The following AGMO variants were observed in gnomAD, a reference collection of about 807,000 sequenced individuals.
The protein encoded by AGMO is glyceryl-ether monooxygenase.
Under a neutral mutation model 60.2 loss-of-function variants are expected in AGMO, and 75 were observed. That is an observed-to-expected ratio of 1.25 (90% CI 1.03 to 1.51). AGMO has a LOEUF of 1.51. Ranked by LOEUF, AGMO falls within the 40% of genes most tolerant of loss-of-function variation. The pLI is 0.00. For synonymous variants in AGMO, 261 were observed against 177.1 expected, an observed-to-expected ratio of 1.47 and a Z score of -3.76; for missense variants, 763 against 525.5, an observed-to-expected ratio of 1.45 and a Z score of -4.42.
intron 10 of AGMO, among the ~76,000 whole-genome samples, chr7:15,382,449 GT>G (rs2128481799): frequency 6.6e-6 from 1 of 152,236 alleles, no homozygotes; most frequent in East Asian, 1.9e-4. Flanking sequence ...TTAGTTATGG[GT>G]TTAGTGTGGG....
intron 12 of AGMO, among the ~76,000 whole-genome samples, chr7:15,214,113 C>G (rs1399569777): frequency 6.6e-6 from 1 of 151,722 alleles, no homozygotes; most frequent in Non-Finnish European, 1.5e-5. Flanking sequence ...GGGAGAGAGA[C>G]AGAGAGGAAG....
At chr7:15,310,195 T>A (rs1200294419) in intron 12 of AGMO, among the ~76,000 whole-genome samples, 1 of 152,148 alleles carries the variant, frequency 6.6e-6, no homozygotes, top group Non-Finnish European at 1.5e-5. Context: ...ATAATTTGAT[T>A]CAGTAATGTT....
chr7:15,128,381 G>C, the AGMO span, among the ~76,000 whole-genome samples: 33 of 152,126 alleles, frequency 2.2e-4, no homozygotes, highest in African/African-American at 7.9e-4. Flanking sequence ...GATATGCTGG[G>C]TGAATTACTT....
At chr7:15,383,676 C>T (rs1378437832) in intron 10 of AGMO, among the ~76,000 whole-genome samples, 3 of 151,812 alleles carry the variant, frequency 2.0e-5, no homozygotes, top group Admixed American at 6.6e-5. Flanking sequence ...ATTTCTTTTA[C>T]TTATGGAGTT....
the AGMO span, among the ~76,000 whole-genome samples, chr7:15,152,856 A>G: frequency 1.3e-5 from 2 of 152,144 alleles, no homozygotes; most frequent in Admixed American, 1.3e-4. Flanking sequence ...CTAGGTAGAT[A>G]CCTAGTAGTG....
chr7:15,246,592 T>A (rs1191907228), intron 12 of AGMO, among the ~76,000 whole-genome samples: 1 of 152,164 alleles, frequency 6.6e-6, no homozygotes, highest in East Asian at 1.9e-4. Flanking sequence ...TTTTACTGTT[T>A]TATCTCTACT....
In AGMO at chr7:15,544,907, T is replaced by C. The variant is rs1784735381; in HGVS notation, c.274A>G (p.Ile92Val). 6.4e-7 allele frequency: 1 copy of C among 1,552,802 alleles called. No individual in the cohort carries two copies. The highest frequency in any genetic ancestry group is 8.7e-7 in the Non-Finnish European group (1 of 1,149,306). ...SRLPSLFFRS[I>V]ELTSYIYIWE... ...ATATAAATATAACTGGTCAGTTCAA[T>C]GCTCCTGAAAAATAGACTGGAAGAT... is the stretch of plus-strand genomic sequence containing the variant. Residue 92 changes from isoleucine (I) to valine (V), a missense_variant, in exon 3 of 13, where the codon ATT becomes GTT. Ile to Val is a conservative substitution (Grantham distance 29). Transcript: ENST00000342526.
intron 3 of AGMO, among the ~76,000 whole-genome samples, chr7:15,540,639 A>C (rs541031404): frequency 2.2e-4 from 33 of 152,338 alleles, no homozygotes; most frequent in African/African-American, 7.5e-4. Context: ...ATAAATTAAT[A>C]ACTGGCATGC....
chr7:15,519,917 A>G (rs981476708), intron 3 of AGMO, among the ~76,000 whole-genome samples: 2 of 151,346 alleles, frequency 1.3e-5, no homozygotes. Context: ...GACCCACCTC[A>G]CTTGCAAAAA....
intron 12 of AGMO, among the ~76,000 whole-genome samples, chr7:15,270,689 T>G (rs1244655712): frequency 6.7e-6 from 1 of 149,136 alleles, no homozygotes; most frequent in Non-Finnish European, 1.5e-5. Context: ...TATTTTTGTA[T>G]GTGTTGCATT....
intron 3 of AGMO, among the ~76,000 whole-genome samples, chr7:15,452,647 G>T (rs1435680492): frequency 6.6e-6 from 1 of 152,204 alleles, no homozygotes; most frequent in East Asian, 1.9e-4. Flanking sequence ...TATGTAAAAT[G>T]GTGCAGCTGC....
intron 3 of AGMO, 23 bp from the exon 4 acceptor site, chr7:15,431,131 T>A: frequency 6.5e-7 from 1 of 1,545,288 alleles, no homozygotes; most frequent in Non-Finnish European, 8.9e-7. Flanking sequence ...TAATTTGCAA[T>A]GAGCCATGAG....
intron 3 of AGMO, among the ~76,000 whole-genome samples, chr7:15,541,915 A>G (rs1302896337): frequency 6.6e-6 from 1 of 152,210 alleles, no homozygotes; most frequent in Non-Finnish European, 1.5e-5. Flanking sequence ...TAGTGAAAGG[A>G]AAGTAATACA....
chr7:15,483,210 C>T (rs1782807667), intron 3 of AGMO, among the ~76,000 whole-genome samples: 1 of 151,980 alleles, frequency 6.6e-6, no homozygotes, highest in African/African-American at 2.4e-5. Flanking sequence ...AGTTCAATAT[C>T]CAAAAATTAT....
chr7:15,183,598 T>G, the AGMO span, among the ~76,000 whole-genome samples: 2 of 152,164 alleles, frequency 1.3e-5, no homozygotes, highest in Non-Finnish European at 2.9e-5. Flanking sequence ...ATTCTTACAT[T>G]TAATGACCAC....
At chr7:15,467,390 G>A (rs909004822) in intron 3 of AGMO, among the ~76,000 whole-genome samples, 3 of 152,224 alleles carry the variant, frequency 2.0e-5, no homozygotes, top group African/African-American at 7.2e-5. Flanking sequence ...CAGAATGGCA[G>A]TTACAATATT....
intron 3 of AGMO, among the ~76,000 whole-genome samples, chr7:15,479,057 A>C (rs1188232406): frequency 3.9e-5 from 6 of 152,172 alleles, no homozygotes; most frequent in Non-Finnish European, 5.9e-5. Context: ...TAGAAACATG[A>C]TTGTTCATGC....
chr7:15,380,926 T>C (rs1035003980), intron 10 of AGMO, among the ~76,000 whole-genome samples: 1 of 152,060 alleles, frequency 6.6e-6, no homozygotes, highest in South Asian at 2.1e-4. Context: ...AAACAAGCAA[T>C]GGGGAAAGGA....
intron 2 of AGMO, among the ~76,000 whole-genome samples, chr7:15,547,502 C>G (rs560351526): frequency 6.6e-6 from 1 of 151,986 alleles, no homozygotes; most frequent in African/African-American, 2.4e-5. Context: ...TTGCCTCACT[C>G]GGGAAGCGCA....
Sources: allele counts gnomAD v4.1 joint callset (sites outside exome capture counted in the v4.1 genomes callset), GRCh38; gene constraint gnomAD v4.1.1; transcripts MANE v1.5; gene names NCBI Gene and HGNC (gene_info 2026-07-23, HGNC 2026-07-21).